SULT2B1: variants seen among roughly 807,000 people sequenced by gnomAD.
The protein encoded by SULT2B1 is sulfotransferase family 2B member 1.
In SULT2B1, 16 loss-of-function variants were observed where a neutral mutation model predicts 33.2. The ratio of observed to expected loss-of-function variants is 0.48; its 90% CI spans 0.33 to 0.73. The LOEUF is 0.73. SULT2B1 is among the 30% of genes least tolerant of loss of function. SULT2B1 has a pLI of 0.02. For synonymous variants in SULT2B1, 186 were observed against 200.5 expected (o/e 0.93, Z 0.61); for missense variants, 500 against 506.0 (o/e 0.99, Z 0.11).
In SULT2B1 at chr19:48,599,299, C is replaced by A. The variant is rs1439155364; in HGVS notation, c.991C>A (p.Pro331Thr). Residue 331 changes from proline (P) to threonine (T), a missense_variant, in exon 7 of 7, where the codon CCC becomes ACC. Physicochemically the swap from Pro to Thr is conservative, Grantham distance 38. Transcript: ENST00000201586. The surrounding 1 kb of genome is among the most constrained non-coding windows in gnomAD (Gnocchi z 4.1). ...PEPSPEPEPKPSLEPNTSLER... is the reference protein window; with the variant it reads ...PEPSPEPEPKTSLEPNTSLER... ...GCCCAGCCCTGAGCCTGAGCCCAAGCCCAGCCTTGAGCCCAACACCAGCCT... is the reference window on the plus strand; with the variant it reads ...GCCCAGCCCTGAGCCTGAGCCCAAGACCAGCCTTGAGCCCAACACCAGCCT... The A allele has an allele frequency of 6.2e-7, 1 of 1,609,334 alleles. No individual in the cohort carries two copies.
At chr19:48,580,831 G>T (rs114982234) in intron 2 of SULT2B1, among the ~76,000 whole-genome samples, 2 of 149,164 alleles carry the variant, frequency 1.3e-5, no homozygotes, top group Admixed American at 1.3e-4. Context: ...CGAATGCCTG[G>T]GCTCAAGCGA....
rs781489535 is a variant in SULT2B1, at chr19:48,596,785, C to T, written c.692C>T (p.Pro231Leu). 4.4e-6 allele frequency: 7 copies of T among 1,609,112 alleles called. No individual in the cohort carries two copies. The highest frequency in any genetic ancestry group is 1.7e-4 in the Middle Eastern group (1 of 5,918). The change falls in exon 6 of 7, where the codon CCG becomes CTG. Residue 231 changes from proline (P) to leucine (L), a missense_variant. Coordinates refer to ENST00000201586, the MANE Select transcript of SULT2B1 (RefSeq NM_177973.2). ...CGCATCTGTGGGTTCCTGGGCCGTC[C>T]GCTGGGCAAGGAGGCACTGGGCTCC... is the stretch of plus-strand genomic sequence containing the variant. Reference protein sequence around the residue: ...VERICGFLGRPLGKEALGSVV... With the variant: ...VERICGFLGRLLGKEALGSVV...
chr19:48,560,228 G>A (rs1270828589), intron 1 of SULT2B1, among the ~76,000 whole-genome samples: 1 of 152,170 alleles, frequency 6.6e-6, no homozygotes, highest in Admixed American at 6.6e-5. Context: ...TAGCAAGGGA[G>A]GGGATGGGTG....
At chr19:48,585,789 C>A (rs1187703451) in intron 2 of SULT2B1, among the ~76,000 whole-genome samples, 1 of 152,098 alleles carries the variant, frequency 6.6e-6, no homozygotes. Flanking sequence ...TGTAACTAAC[C>A]TGCACGTTGT....
intron 1 of SULT2B1, among the ~76,000 whole-genome samples, chr19:48,560,814 A>G (rs1973166510): frequency 6.6e-6 from 1 of 151,734 alleles, no homozygotes; most frequent in Non-Finnish European, 1.5e-5. Flanking sequence ...TACAGAAATT[A>G]GGACAGCCGT....
At chr19:48,565,728 A>G (rs764770732) in intron 1 of SULT2B1, among the ~76,000 whole-genome samples, 1 of 151,386 alleles carries the variant, frequency 6.6e-6, no homozygotes, top group Non-Finnish European at 1.5e-5. Flanking sequence ...CCTACAGTAA[A>G]CCACACAAAT....
intron 2 of SULT2B1, among the ~76,000 whole-genome samples, chr19:48,578,680 C>T (rs1487595191): frequency 6.6e-6 from 1 of 151,948 alleles, no homozygotes; most frequent in Admixed American, 6.6e-5. Context: ...AGTTCGAGAC[C>T]AGTCTGGCCA....
intron 2 of SULT2B1, among the ~76,000 whole-genome samples, chr19:48,579,425 G>A (rs1299599090): frequency 1.3e-5 from 2 of 151,354 alleles, no homozygotes; most frequent in Non-Finnish European, 2.9e-5. Context: ...TGGGACTACA[G>A]GCGCCCACCA....
chr19:48,573,794 C>T (rs2147609693), intron 1 of SULT2B1, among the ~76,000 whole-genome samples: 1 of 152,224 alleles, frequency 6.6e-6, no homozygotes, highest in Middle Eastern at 3.4e-3. Context: ...GCTCCATGTC[C>T]TCTCTGTAGC....
chr19:48,561,453 A>C (rs1213063802), intron 1 of SULT2B1, among the ~76,000 whole-genome samples: 1 of 137,948 alleles, frequency 7.2e-6, no homozygotes, highest in Non-Finnish European at 1.7e-5. Flanking sequence ...AAATAGATAG[A>C]TAAAATAAAT....
rs1177064060 is a variant in SULT2B1, at chr19:48,568,549, T to C, written c.72-7392T>C. Among the ~76,000 whole-genome samples the C allele has an allele frequency of 2.0e-5, 3 of 151,982 alleles. No individual in the cohort carries two copies. In the South Asian group the frequency reaches 6.2e-4, roughly 32 times the overall value. On this transcript the variant is annotated intron_variant, in intron 1 of 6. Coordinates refer to ENST00000201586, the MANE Select transcript of SULT2B1 (RefSeq NM_177973.2). ...AAGGGTGAGTCATCCTGCTGAGAGG[T>C]TGAGCTGGGGACGCCTGCCCAGATG...
intron 5 of SULT2B1, 101 bp downstream of exon 5, chr19:48,592,917 C>A: frequency 1.0e-6 from 1 of 999,724 alleles, no homozygotes; most frequent in East Asian, 2.6e-5. Flanking sequence ...TCCGCTTCCC[C>A]ATGCAATGCG....
At chr19:48,583,791 C>CT (rs1973526068) in intron 2 of SULT2B1, among the ~76,000 whole-genome samples, 1 of 151,424 alleles carries the variant, frequency 6.6e-6, no homozygotes, top group Non-Finnish European at 1.5e-5. Context: ...GCACTCCAGC[C>CT]TGGGCGACAG....
Position 48,578,041 on chromosome 19 carries a change from A to T in SULT2B1, c.214+1958A>T, listed in dbSNP as rs547165353. ...AGCCCAGCCTGGGCAACATAGCAAG[A>T]CCCCATCTCTAAAAAAAAAAAATTA... is the stretch of plus-strand genomic sequence containing the variant. On this transcript the variant is annotated intron_variant, in intron 2 of 6. Transcript: ENST00000201586. Among the ~76,000 whole-genome samples, 4 of 124,092 alleles carry T rather than the reference A, an allele frequency of 3.2e-5. No homozygotes were observed. In the East Asian group the frequency reaches 1.1e-3, roughly 33 times the overall value. The allele number at this position is 124,092 out of a possible 152,430, so 81.4% of individuals were successfully genotyped here.
At chr19:48,577,528 G>C (rs1442949864) in intron 2 of SULT2B1, among the ~76,000 whole-genome samples, 1 of 151,190 alleles carries the variant, frequency 6.6e-6, no homozygotes, top group Non-Finnish European at 1.5e-5. Flanking sequence ...ACTACACCCA[G>C]CTAATTTTTG....
At chr19:48,584,789 G>A (rs28446557) in intron 2 of SULT2B1, among the ~76,000 whole-genome samples, 1,675 of 152,232 alleles carry the variant, frequency 0.011, 29 homozygotes, top group African/African-American at 0.038. Flanking sequence ...GGTGGCTCAT[G>A]CCTATAATCC....
At chr19:48,571,259 T>G (rs1973323694) in intron 1 of SULT2B1, among the ~76,000 whole-genome samples, 1 of 151,384 alleles carries the variant, frequency 6.6e-6, no homozygotes, top group Non-Finnish European at 1.5e-5. Context: ...TGCAGTGATG[T>G]GATCTCAGGA....
At chr19:48,564,793 T>C (rs1042162066) in intron 1 of SULT2B1, among the ~76,000 whole-genome samples, 5 of 151,682 alleles carry the variant, frequency 3.3e-5, no homozygotes, top group Non-Finnish European at 7.4e-5. Flanking sequence ...TCTGGGTTTG[T>C]TGTTGTTGTT....
Position 48,566,766 on chromosome 19 carries a change from C to T in SULT2B1, c.72-9175C>T, listed in dbSNP as rs986832263. On this transcript the variant is annotated intron_variant, in intron 1 of 6. Coordinates refer to ENST00000201586, the MANE Select transcript of SULT2B1 (RefSeq NM_177973.2). ...CTGAGATGGGAGAATCACTTGAACC[C>T]GGGAGGCAGAGGTTGCAGTGAGCCA... Among the ~76,000 whole-genome samples the T allele has an allele frequency of 3.3e-5, 5 of 151,644 alleles. No individual in the cohort carries two copies. The East Asian group carries it at 5.8e-4, about 18-fold the overall frequency.
Sources: allele counts gnomAD v4.1 joint callset (sites outside exome capture counted in the v4.1 genomes callset), GRCh38; gene constraint gnomAD v4.1.1; non-coding constraint Gnocchi (gnomAD v3.1); transcripts MANE v1.5; gene names NCBI Gene and HGNC (gene_info 2026-07-23, HGNC 2026-07-21).